EXOC7: variants seen among roughly 807,000 people sequenced by gnomAD.
The protein encoded by EXOC7 is exocyst complex component 7.
A neutral mutation model predicts 87.6 loss-of-function variants in EXOC7; 51 were observed. That is an observed-to-expected ratio of 0.58 (90% CI 0.46 to 0.73). EXOC7 has a LOEUF of 0.73. EXOC7 is among the 30% of genes least tolerant of loss of function. The pLI is 0.00. For synonymous variants in EXOC7, 327 were observed against 357.1 expected (o/e 0.92, Z 0.95); for missense variants, 744 against 888.4 (o/e 0.84, Z 2.07).
chr17:76,089,421 G>T, intron 7 of EXOC7, 101 bp from the exon 8 acceptor site: 2 of 1,426,246 alleles, frequency 1.4e-6, no homozygotes, highest in Non-Finnish European at 9.6e-7. Flanking sequence ...ACCCCACACT[G>T]GCAGAGGATG....
intron 7 of EXOC7, 170 bp from the exon 8 acceptor site, chr17:76,089,490 T>C: frequency 1.2e-5 from 9 of 761,762 alleles, no homozygotes; most frequent in Non-Finnish European, 1.7e-5. Flanking sequence ...CCCCGCCAGG[T>C]TCGAGGGGAA....
At chr17:76,085,926 C>T in intron 13 of EXOC7, 129 bp from the exon 14 acceptor site, 1 of 1,520,640 alleles carries the variant, frequency 6.6e-7, no homozygotes, top group South Asian at 1.2e-5. Flanking sequence ...CCCAACTCCC[C>T]TCAGCCTCTG....
rs1006229524 is a variant in EXOC7, at chr17:76,087,737, C to A, written c.1363-17G>T. 1.3e-6 allele frequency: 2 copies of A among 1,550,590 alleles called. No homozygotes were observed. Among genetic ancestry groups the A allele is most frequent in the East Asian group, 4.9e-5 (2 of 40,912 alleles). ...GAGGATGGCCTGGGTGGGAAGAAAA[C>A]GGTGCAGAAGGGCAAGTGGCAGGCC... On this transcript the variant is annotated splice_polypyrimidine_tract_variant and intron_variant, in intron 11 of 18. Coordinates refer to ENST00000589210, the MANE Select transcript of EXOC7 (RefSeq NM_001013839.4).
Position 76,094,507 on chromosome 17 carries a change from G to A in EXOC7, c.715C>T (p.His239Tyr). 6.2e-7 allele frequency: 1 copy of A among 1,614,074 alleles called. No individual in the cohort carries two copies. Among genetic ancestry groups the A allele is most frequent in the Non-Finnish European group, 8.5e-7 (1 of 1,179,998 alleles). The change falls in exon 6 of 19, where the codon CAT (histidine) becomes TAT (tyrosine). Residue 239 changes from histidine to tyrosine, a missense_variant. His to Tyr is a moderately conservative substitution (Grantham distance 83). Transcript: ENST00000589210. ...RSIKGLKEHF[H>Y]KSSSSSGVPY... ...ACCCCAGAGGAAGAACTGCTCTTAT[G>A]GAAATGCTCCTTCAGTCCTTTGATG...
chr17:76,101,837 G>A lies in EXOC7; in HGVS notation c.153C>T (p.Ser51=), dbSNP rs1461567940. The A allele has an allele frequency of 1.9e-6, 3 of 1,613,644 alleles. No individual in the cohort carries two copies. The highest frequency in any genetic ancestry group is 1.1e-5 in the South Asian group (1 of 91,008). ...NMVSILSSFE[S]RLMKLENSII... ...TGGAGTTCTCCAGCTTCATAAGGCG[G>A]CTCTCAAAGGATGATAAGATAGACA... The change falls in exon 3 of 19, where the codon AGC becomes AGT. Residue 51 remains serine (S), a synonymous_variant. Transcript: ENST00000589210.
chr17:76,103,501 C>T (rs553480661), intron 1 of EXOC7, 75 bp from the exon 2 acceptor site: 1 of 1,553,728 alleles, frequency 6.4e-7, no homozygotes, highest in Admixed American at 1.9e-5. Flanking sequence ...ACCCCACGGC[C>T]TAGCCCCCAA....
intron 4 of EXOC7, 31 bp downstream of exon 4, chr17:76,101,240 A>G (rs1261873741): frequency 5.0e-6 from 8 of 1,613,834 alleles, no homozygotes; most frequent in Non-Finnish European, 6.8e-6. Flanking sequence ...GATATCCCCA[A>G]GCTTCTCACG....
In EXOC7 at chr17:76,101,493, T is replaced by TC. The variant is rs1359504255; in HGVS notation, c.312-118dup. The TC allele has an allele frequency of 4.9e-6, 7 of 1,442,816 alleles. No homozygotes were observed. The African/African-American group carries it at 8.5e-5, about 18-fold the overall frequency. The allele number at this position is 1,442,816 out of a possible 1,614,324, so 89.4% of individuals were successfully genotyped here. ...GGACTCCAGGCTCAAATATATTCTA[T>TC]CCCCCCACTGCCTTTTAAGGCCTAG... On this transcript the variant is annotated intron_variant, in intron 3 of 18. Transcript: ENST00000589210.
rs1460647711 is a variant in EXOC7 at position 76,101,325 on chromosome 17, C to G, written c.363G>C (p.Lys121Asn). 15 of 1,614,102 alleles carry G rather than the reference C, an allele frequency of 9.3e-6. No homozygotes were observed. Among genetic ancestry groups the G allele is most frequent in the Non-Finnish European group, 1.2e-5 (14 of 1,180,028 alleles). ...EYLGSMAKIQ[K>N]AVEYFQDNSP... The stretch of plus-strand genomic sequence containing the variant: ...TGTTGTCCTGGAAATACTCCACTGC[C>G]TTCTGAATCTTGGCCATGCTTCCCA... The change falls in exon 4 of 19, where the codon AAG (lysine) becomes AAC (asparagine). Residue 121 changes from lysine (K) to asparagine (N), a missense_variant. Around this residue, in one of 3 missense-constraint regions of EXOC7, gnomAD observed 512 missense variants for 573.0 expected, o/e 0.89. Coordinates refer to ENST00000589210, the MANE Select transcript of EXOC7 (RefSeq NM_001013839.4).
chr17:76,088,837 C>T lies in EXOC7; in HGVS notation c.1134G>A (p.Val378=). The change falls in exon 9 of 19, where the codon GTG becomes GTA. Residue 378 remains valine, a synonymous_variant. Coordinates refer to ENST00000589210, the MANE Select transcript of EXOC7 (RefSeq NM_001013839.4). The part of the protein sequence containing the change: ...KAIVRHDFST[V]LTVFPILRHL... ...GTCGCAGGATGGGGAAGACGGTGAG[C>T]ACCGTGGAGAAGTCGTGTCGCACAA... 1.9e-6 allele frequency: 3 copies of T among 1,613,890 alleles called. No homozygotes were observed. Among genetic ancestry groups the T allele is most frequent in the South Asian group, 2.2e-5 (2 of 91,080 alleles).
chr17:76,085,390 C>T lies in EXOC7; in HGVS notation c.1636G>A (p.Val546Met). The T allele has an allele frequency of 3.1e-6, 5 of 1,610,308 alleles. No individual in the cohort carries two copies. The highest frequency in any genetic ancestry group is 3.4e-6 in the Non-Finnish European group (4 of 1,179,098). Residue 546 changes from valine to methionine, a missense_variant, in exon 15 of 19, where the codon GTG becomes ATG. Transcript: ENST00000589210. ...TCAGCAGTCTTCTGTGTCACTGCCA[C>T]CAGCTGGATCAGTTCAGACCTGGGT... ...SLEKSELIQL[V>M]AVTQKTAERS...
chr17:76,101,910 C>T lies in EXOC7; in HGVS notation c.127-47G>A, dbSNP rs758284714. ...ATCTTGGGACTCACAGTGGTCCCAG[C>T]ACTGCTTCTACACACCCACCTTCGG... On this transcript the variant is annotated intron_variant, in intron 2 of 18. Coordinates refer to ENST00000589210, the MANE Select transcript of EXOC7 (RefSeq NM_001013839.4). 21 of 1,511,042 alleles carry T rather than the reference C, an allele frequency of 1.4e-5. No individual in the cohort carries two copies. The Admixed American group carries it at 4.0e-4, about 29-fold the overall frequency. The allele number at this position is 1,511,042 out of a possible 1,614,324, so 93.6% of individuals were successfully genotyped here.
intron 7 of EXOC7, chr17:76,090,246 T>C (rs8078392): frequency 0.014 from 20,951 of 1,474,046 alleles, 414 homozygotes; most frequent in African/African-American, 0.082. Flanking sequence ...TGGGCCCAGC[T>C]GGGCCAGGCA....
At chr17:76,100,974 A>T in intron 4 of EXOC7, 1 of 299,134 alleles carries the variant, frequency 3.3e-6, no homozygotes, top group Admixed American at 6.3e-5. Context: ...ACTCTGTCTC[A>T]GGAAAAAACA....
rs763747350 is a variant in EXOC7, at chr17:76,082,444, C to T, written c.*1204G>A. ...GGGACCTTGAAGAACAGCTCCTTTC[C>T]CTGTATCTCTCCCCACAGAGCCCTC... On this transcript the variant is annotated 3_prime_UTR_variant, in exon 19 of 19. Coordinates refer to ENST00000589210, the MANE Select transcript of EXOC7 (RefSeq NM_001013839.4). The T allele has an allele frequency of 6.8e-5, 108 of 1,586,154 alleles. No homozygotes were observed. Among genetic ancestry groups the T allele is most frequent in the Non-Finnish European group, 8.8e-5 (103 of 1,165,390 alleles).
intron 5 of EXOC7, among the ~76,000 whole-genome samples, chr17:76,097,242 T>C (rs1233252107): frequency 6.6e-6 from 1 of 152,112 alleles, no homozygotes; most frequent in Non-Finnish European, 1.5e-5. Context: ...GCTTTGAAAA[T>C]TTTACAACTA....
chr17:76,088,182 G>T, intron 10 of EXOC7, 60 bp from the exon 11 acceptor site: 3 of 1,548,284 alleles, frequency 1.9e-6, no homozygotes, highest in Non-Finnish European at 2.7e-6. Flanking sequence ...ATGCCCCAGT[G>T]CACCTGCTCA....
intron 12 of EXOC7, chr17:76,086,987 T>C: frequency 9.0e-7 from 1 of 1,112,712 alleles, no homozygotes; most frequent in African/African-American, 1.5e-5. Flanking sequence ...AGAAACGGCA[T>C]GTCAACCCGA....
intron 12 of EXOC7, among the ~76,000 whole-genome samples, 154 bp from the exon 13 acceptor site, chr17:76,086,299 T>C (rs2067210240): frequency 6.6e-6 from 1 of 152,212 alleles, no homozygotes; most frequent in East Asian, 1.9e-4. Context: ...GGGTGGCCCC[T>C]GCCGCAGGAA....
Sources: allele counts gnomAD v4.1 joint callset (sites outside exome capture counted in the v4.1 genomes callset), GRCh38; gene constraint gnomAD v4.1.1; regional missense constraint gnomAD v4.1.1; transcripts MANE v1.5; gene names NCBI Gene and HGNC (gene_info 2026-07-23, HGNC 2026-07-21).